MAGI1: variants seen among roughly 807,000 people sequenced by gnomAD.
The protein encoded by MAGI1 is membrane associated guanylate kinase, WW and PDZ domain containing 1.
A neutral mutation model predicts 139.9 loss-of-function variants in MAGI1; 58 were observed. That is an observed-to-expected ratio of 0.41 (90% CI 0.34 to 0.52). The LOEUF (loss-of-function observed/expected upper bound fraction) is 0.52. Among genes scored for constraint, MAGI1 ranks in the 20% least tolerant of loss-of-function variants. The pLI, the probability that MAGI1 is intolerant of heterozygous loss-of-function variation, is 0.12. For missense variants in MAGI1, 1,874 were observed against 1,901.6 expected, an observed-to-expected ratio of 0.99 and a Z score of 0.27; for synonymous variants, 812 against 737.9, an observed-to-expected ratio of 1.10 and a Z score of -1.63.
intron 1 of MAGI1, among the ~76,000 whole-genome samples, chr3:65,692,997 T>C (rs1190017035): frequency 6.6e-6 from 1 of 152,116 alleles, no homozygotes; most frequent in African/African-American, 2.4e-5. Flanking sequence ...AATGGCACAA[T>C]CATGGCTCAC....
At chr3:65,476,537 T>C (rs1187223556) in intron 4 of MAGI1, among the ~76,000 whole-genome samples, 3 of 152,092 alleles carry the variant, frequency 2.0e-5, no homozygotes, top group East Asian at 1.9e-4. Flanking sequence ...AAACAGGAAA[T>C]TGCATCTAGA....
At chr3:65,429,437 C>T (rs1947318581) in intron 12 of MAGI1, 83 bp downstream of exon 12, 4 of 1,346,584 alleles carry the variant, frequency 3.0e-6, no homozygotes, top group Admixed American at 2.3e-5. Flanking sequence ...TAAAAAGCCC[C>T]CAGTGGTCAT....
At chr3:65,853,385 C>G (rs1038559320) in intron 1 of MAGI1, among the ~76,000 whole-genome samples, 2 of 152,168 alleles carry the variant, frequency 1.3e-5, no homozygotes, top group Admixed American at 1.3e-4. Context: ...TAGGTAAATT[C>G]CTAGTAGGGC....
At chr3:65,642,188 T>C (rs529987481) in intron 1 of MAGI1, among the ~76,000 whole-genome samples, 2 of 152,224 alleles carry the variant, frequency 1.3e-5, no homozygotes, top group South Asian at 2.1e-4. Flanking sequence ...GCTGGGTAAT[T>C]ATCTCGTTGA....
At chr3:65,397,515 A>C (rs886100545) in intron 13 of MAGI1, among the ~76,000 whole-genome samples, 1 of 151,822 alleles carries the variant, frequency 6.6e-6, no homozygotes, top group African/African-American at 2.4e-5. Context: ...CTCTATATAA[A>C]AACTTTTTGT....
intron 18 of MAGI1, among the ~76,000 whole-genome samples, chr3:65,370,718 A>C (rs1941901186): frequency 6.6e-6 from 1 of 152,162 alleles, no homozygotes; most frequent in Admixed American, 6.5e-5. Context: ...GGCTCACTGA[A>C]GCTCGACCTC....
rs1320833507 is a variant in MAGI1, at chr3:65,559,104, T to C, written c.430+62868A>G. 3.3e-5 allele frequency among the ~76,000 whole-genome samples: 5 copies of C among 152,212 alleles called. No individual in the cohort carries two copies. The East Asian group carries it at 5.8e-4, about 18-fold the overall frequency. ...AACAAAGAAGACAAAAGAATTCTTC[T>C]TGGAGTCCATTTTCCTCAGTGAACT... On this transcript the variant is annotated intron_variant, in intron 2 of 22. Coordinates refer to ENST00000402939, the MANE Select transcript of MAGI1 (RefSeq NM_001033057.2).
intron 5 of MAGI1, among the ~76,000 whole-genome samples, chr3:65,455,289 A>T (rs1949316860): frequency 6.6e-6 from 1 of 152,160 alleles, no homozygotes. Context: ...TTTCATCATC[A>T]CAGGGGTCCC....
At chr3:65,791,603 G>A (rs911675897) in intron 1 of MAGI1, among the ~76,000 whole-genome samples, 1 of 152,128 alleles carries the variant, frequency 6.6e-6, no homozygotes, top group African/African-American at 2.4e-5. Flanking sequence ...GAGAAGGCAG[G>A]AAGAGGTGGA....
chr3:65,400,646 C>G (rs1944795351), intron 13 of MAGI1, among the ~76,000 whole-genome samples: 1 of 151,326 alleles, frequency 6.6e-6, no homozygotes, highest in Non-Finnish European at 1.5e-5. Flanking sequence ...AGCATAAACC[C>G]ATACCACCAA....
chr3:65,936,375 C>A (rs560376967), intron 1 of MAGI1, among the ~76,000 whole-genome samples: 1 of 152,062 alleles, frequency 6.6e-6, no homozygotes, highest in Non-Finnish European at 1.5e-5. Context: ...TAGTGGCTCA[C>A]GTCTATAATC....
intron 2 of MAGI1, among the ~76,000 whole-genome samples, chr3:65,557,186 T>C (rs2080126365): frequency 6.6e-6 from 1 of 152,204 alleles, no homozygotes. Flanking sequence ...ACTAATAGAA[T>C]ATAGGAGAAG....
At chr3:65,535,210 C>T (rs1344141727) in intron 2 of MAGI1, among the ~76,000 whole-genome samples, 1 of 152,032 alleles carries the variant, frequency 6.6e-6, no homozygotes, top group Non-Finnish European at 1.5e-5. Context: ...GTTCTAATAC[C>T]AGCTCATTAA....
intron 12 of MAGI1, among the ~76,000 whole-genome samples, chr3:65,420,157 C>T (rs912521995): frequency 6.6e-6 from 1 of 152,094 alleles, no homozygotes; most frequent in Non-Finnish European, 1.5e-5. Context: ...GAGCCTGTCC[C>T]TTCACCGTGT....
chr3:65,630,686 T>C (rs1009194909), intron 1 of MAGI1, among the ~76,000 whole-genome samples: 3 of 152,114 alleles, frequency 2.0e-5, no homozygotes, highest in African/African-American at 7.2e-5. Flanking sequence ...ACAGAGTGAT[T>C]TAATGGACTT....
At chr3:65,915,271 T>A (rs1191223334) in intron 1 of MAGI1, among the ~76,000 whole-genome samples, 5 of 152,256 alleles carry the variant, frequency 3.3e-5, no homozygotes, top group Admixed American at 1.3e-4. Context: ...AGCTTGTACA[T>A]ATTTAGCATT....
chr3:65,720,749 A>ATT (rs918196103), intron 1 of MAGI1, among the ~76,000 whole-genome samples: 7 of 151,606 alleles, frequency 4.6e-5, no homozygotes, highest in African/African-American at 1.7e-4. Flanking sequence ...TGTTTGTTTT[A>ATT]TTTTTTTGTT....
intron 1 of MAGI1, among the ~76,000 whole-genome samples, chr3:66,032,580 G>C (rs532591230): frequency 6.6e-6 from 1 of 151,560 alleles, no homozygotes; most frequent in African/African-American, 2.4e-5. Context: ...CAAGCTTCTT[G>C]TTTTCATGGA....
chr3:65,368,555 ATCC>A (rs1941666707), intron 18 of MAGI1, among the ~76,000 whole-genome samples: 1 of 152,180 alleles, frequency 6.6e-6, no homozygotes, highest in South Asian at 2.1e-4. Context: ...CCATATTAAT[ATCC>A]TCAGCCTCCC....
Sources: allele counts gnomAD v4.1 joint callset (sites outside exome capture counted in the v4.1 genomes callset), GRCh38; gene constraint gnomAD v4.1.1; transcripts MANE v1.5; gene names NCBI Gene and HGNC (gene_info 2026-07-23, HGNC 2026-07-21).